MANEA: variants seen among roughly 807,000 people sequenced by gnomAD.
MANEA encodes the protein mannosidase endo-alpha.
Under a neutral mutation model 36.8 loss-of-function variants are expected in MANEA, and 25 were observed. The ratio of observed to expected loss-of-function variants is 0.68; its 90% CI spans 0.50 to 0.95. The LOEUF is 0.95. Ranked by LOEUF, MANEA falls within the 40% of genes least tolerant of loss-of-function variation. The pLI, the probability that MANEA is intolerant of heterozygous loss-of-function variation, is 0.00. For missense variants in MANEA, 565 were observed against 558.8 expected, an observed-to-expected ratio of 1.01 and a Z score of -0.11; for synonymous variants, 198 against 188.5, an observed-to-expected ratio of 1.05 and a Z score of -0.41.
chr6:95,592,134 A>G (rs1769396422), intron 2 of MANEA, among the ~76,000 whole-genome samples: 2 of 152,136 alleles, frequency 1.3e-5, no homozygotes, highest in Admixed American at 6.5e-5. Context: ...CATTATGGTA[A>G]TTTGGATAAG....
At position 95,605,995 on chromosome 6, in the gene MANEA, A is replaced by G; in HGVS notation, c.979A>G (p.Asn327Asp). 9 of 1,614,076 alleles carry G rather than the reference A, an allele frequency of 5.6e-6. No homozygotes were observed. Among genetic ancestry groups the G allele is most frequent in the Non-Finnish European group, 7.6e-6 (9 of 1,179,980 alleles). ...FDGIYTYFAT[N>D]GFTYGSSHQN... ...TGGAATTTACACATATTTTGCCACA[A>G]ATGGCTTTACTTATGGCTCATCACA... is the stretch of plus-strand genomic sequence containing the variant. Residue 327 changes from asparagine (N) to aspartate (D), a missense_variant, in exon 5 of 5, where the codon AAT (asparagine) becomes GAT (aspartate). Transcript: ENST00000358812.
At chr6:95,602,103 C>T (rs999232134) in intron 3 of MANEA, among the ~76,000 whole-genome samples, 2 of 152,154 alleles carry the variant, frequency 1.3e-5, no homozygotes, top group African/African-American at 2.4e-5. Flanking sequence ...CTTTGGGAAT[C>T]TTACCTAAAT....
chr6:95,594,085 T>C (rs1049086483), intron 2 of MANEA, among the ~76,000 whole-genome samples: 4 of 150,136 alleles, frequency 2.7e-5, no homozygotes, highest in Admixed American at 6.7e-5. Flanking sequence ...AAAGCTCATG[T>C]GTGTGTACAT....
intron 2 of MANEA, among the ~76,000 whole-genome samples, chr6:95,592,932 A>C (rs1003895952): frequency 2.6e-4 from 39 of 152,312 alleles, no homozygotes; most frequent in African/African-American, 8.2e-4. Flanking sequence ...CTAACAACAA[A>C]AAAAATTGAC....
At chr6:95,580,699 T>A (rs1322938793) in intron 1 of MANEA, among the ~76,000 whole-genome samples, 3 of 137,016 alleles carry the variant, frequency 2.2e-5, no homozygotes, top group Admixed American at 1.6e-4. Context: ...CACTCCAGCC[T>A]GGGCAACAGA....
rs373313746 is a variant in MANEA at position 95,584,737 on chromosome 6, G to A, written c.-38-1665G>A. ...TTGAAATTCTTAATAAAATTTGCTG[G>A]TTTTGTGGCTCAGGTGGGCATCATG... On this transcript the variant is annotated intron_variant, in intron 1 of 4. Transcript: ENST00000358812. Among the ~76,000 whole-genome samples, 19 of 152,212 alleles carry A rather than the reference G, an allele frequency of 1.2e-4. No individual in the cohort carries two copies. The South Asian group carries it at 2.3e-3, about 18-fold the overall frequency.
In MANEA at chr6:95,606,457, G is replaced by C. The variant is rs560543699; in HGVS notation, c.*52G>C. ...CAAAATCACCTAATTTTTAAAAATAGCTTTCGTTTTGAGTTCTGGAAAGAA... is the reference window on the plus strand; with the variant it reads ...CAAAATCACCTAATTTTTAAAAATACCTTTCGTTTTGAGTTCTGGAAAGAA... On this transcript the variant is annotated 3_prime_UTR_variant, in exon 5 of 5. Transcript: ENST00000358812. The C allele has an allele frequency of 1.3e-4, 176 of 1,388,416 alleles. 2 individuals carry two copies. The African/African-American group carries it at 2.3e-3, about 19-fold the overall frequency. The allele number at this position is 1,388,416 out of a possible 1,614,324, so 86.0% of individuals were successfully genotyped here. A position where few individuals can be genotyped will look rare whatever the true frequency, so the allele number is the denominator to read the frequency against.
intron 3 of MANEA, 97 bp from the exon 4 acceptor site, chr6:95,604,730 G>T: frequency 3.9e-6 from 2 of 507,364 alleles, no homozygotes; most frequent in African/African-American, 2.0e-5. Flanking sequence ...TTTAATTAAG[G>T]TGATTAAATC....
chr6:95,598,610 T>C (rs912574945), intron 3 of MANEA, among the ~76,000 whole-genome samples: 2 of 152,192 alleles, frequency 1.3e-5, no homozygotes, highest in African/African-American at 4.8e-5. Context: ...TTAATACTTC[T>C]GTCCCATTCT....
chr6:95,583,317 T>TTAATTA (rs1562195131), intron 1 of MANEA, among the ~76,000 whole-genome samples: 1 of 151,986 alleles, frequency 6.6e-6, no homozygotes, highest in Non-Finnish European at 1.5e-5. Context: ...TTAAATACAT[T>TTAATTA]TAATTATGTA....
chr6:95,604,972 CATTAA>C (rs771588031), intron 4 of MANEA, 69 bp downstream of exon 4: 15 of 520,366 alleles, frequency 2.9e-5, no homozygotes, highest in Non-Finnish European at 4.3e-5. Flanking sequence ...AAGAATAGTA[CATTAA>C]ATTATATTTG....
intron 1 of MANEA, among the ~76,000 whole-genome samples, chr6:95,580,852 T>C (rs1193922755): frequency 6.6e-6 from 1 of 152,176 alleles, no homozygotes; most frequent in African/African-American, 2.4e-5. Context: ...ATTTCAACTT[T>C]GACTTGAAGG....
Position 95,606,469 on chromosome 6 carries a change from A to G in MANEA, c.*64A>G. Reference sequence around the variant, plus strand: ...ATTTTTAAAAATAGCTTTCGTTTTGAGTTCTGGAAAGAAAACTGTCAAAAT... The same window carrying G: ...ATTTTTAAAAATAGCTTTCGTTTTGGGTTCTGGAAAGAAAACTGTCAAAAT... On this transcript the variant is annotated 3_prime_UTR_variant, in exon 5 of 5. Coordinates refer to ENST00000358812, the MANE Select transcript of MANEA (RefSeq NM_024641.4). 1.6e-6 allele frequency: 2 copies of G among 1,218,340 alleles called. No homozygotes were observed. Among genetic ancestry groups the G allele is most frequent in the Non-Finnish European group, 2.3e-6 (2 of 888,514 alleles). 75.5% of individuals were successfully genotyped at this position (1,218,340 alleles called of 1,614,324 possible).
chr6:95,601,311 G>A lies in MANEA; in HGVS notation c.655-3516G>A, dbSNP rs112034853. 1.1e-3 allele frequency among the ~76,000 whole-genome samples: 162 copies of A among 152,246 alleles called. 1 individual carries two copies. Among genetic ancestry groups the A allele is most frequent in the African/African-American group, 3.7e-3 (152 of 41,558 alleles). ...ATGACAGAAATATTTGGTAGATTCC[G>A]TCATTGTTTAGCAAATAATCTGGTT... On this transcript the variant is annotated intron_variant, in intron 3 of 4. Transcript: ENST00000358812.
Position 95,588,867 on chromosome 6 carries a change from A to G in MANEA, c.544+1884A>G, listed in dbSNP as rs146316680. 2.0e-3 allele frequency among the ~76,000 whole-genome samples: 300 copies of G among 151,780 alleles called. 11 individuals are homozygous for G. In the East Asian group the frequency reaches 0.053, roughly 27 times the overall value. The stretch of plus-strand genomic sequence containing the variant: ...ATATGTGTTACACTATTTTTGGTAT[A>G]GTTTGTGATCAGGAAGAAAAGTTTC... On this transcript the variant is annotated intron_variant, in intron 2 of 4. Coordinates refer to ENST00000358812, the MANE Select transcript of MANEA (RefSeq NM_024641.4).
rs1287596844 is a variant in MANEA, at chr6:95,606,060, CAACTTAATATTTATCCCA to C, written c.1046_1063del (p.Asn349_Pro354del). The C allele has an allele frequency of 4.3e-6, 7 of 1,613,646 alleles. No homozygotes were observed. The highest frequency in any genetic ancestry group is 5.9e-6 in the Non-Finnish European group (7 of 1,179,836). On this transcript the variant is annotated inframe_deletion, in exon 5 of 5. Transcript: ENST00000358812. The stretch of plus-strand genomic sequence containing the variant: ...GCCTAAAATTATTTTGTGATAAATA[CAACTTAATATTTATCCCA>C]AGTGTGGGCCCAGGATACATAGATA...
chr6:95,601,117 T>A (rs894563663), intron 3 of MANEA, among the ~76,000 whole-genome samples: 3 of 152,238 alleles, frequency 2.0e-5, no homozygotes, highest in Admixed American at 6.5e-5. Flanking sequence ...TAGTTTCTGT[T>A]CTTTTAAAGT....
At chr6:95,601,733 T>TTTTTTTTTTTTTTTTTTG in intron 3 of MANEA, among the ~76,000 whole-genome samples, 1 of 145,734 alleles carries the variant, frequency 6.9e-6, no homozygotes, top group Non-Finnish European at 1.5e-5. Context: ...TTTTTTTTTT[T>TTTTTTTTTTTTTTTTTTG]TTTTTTTTTT....
In MANEA at chr6:95,606,197, C is replaced by T; in HGVS notation, c.1181C>T (p.Pro394Leu). The change falls in exon 5 of 5, where the codon CCC becomes CTC. Residue 394 changes from proline (P) to leucine (L), a missense_variant. Physicochemically the swap from Pro to Leu is moderately conservative, Grantham distance 98. Transcript: ENST00000358812. ...CTGAGTGCCGCACTTCAGACACGCC[C>T]CAGCTTAATTTCTATCACCTCTTTT... ...IGLSAALQTRPSLISITSFNE... is the reference protein window; with the variant it reads ...IGLSAALQTRLSLISITSFNE... The T allele has an allele frequency of 6.2e-7, 1 of 1,613,966 alleles. No individual in the cohort carries two copies. The highest frequency in any genetic ancestry group is 8.5e-7 in the Non-Finnish European group (1 of 1,179,952).
Sources: gnomAD v4.1 joint callset for allele counts (sites outside exome capture counted in the v4.1 genomes callset) on GRCh38, gnomAD v4.1.1 for gene constraint, MANE v1.5 for transcripts, NCBI Gene and HGNC (gene_info 2026-07-23, HGNC 2026-07-21) for gene names.